Variants in FNDC3B observed in about 807,000 individuals in gnomAD.
FNDC3B encodes the protein fibronectin type III domain containing 3B.
A neutral mutation model predicts 151.5 loss-of-function variants in FNDC3B; 12 were observed. The observed-to-expected ratio is 0.08, with a 90% CI of 0.05 to 0.13. FNDC3B has a LOEUF of 0.13. Ranked by LOEUF, FNDC3B falls within the 10% of genes least tolerant of loss-of-function variation. FNDC3B has a pLI of 1.00. For synonymous variants in FNDC3B, 528 were observed against 549.0 expected, an observed-to-expected ratio of 0.96 and a Z score of 0.54; for missense variants, 1,214 against 1,505.3, an observed-to-expected ratio of 0.81 and a Z score of 3.20.
chr3:172,338,880 A>G (rs1733131250), intron 16 of FNDC3B, among the ~76,000 whole-genome samples: 1 of 151,866 alleles, frequency 6.6e-6, no homozygotes, highest in Non-Finnish European at 1.5e-5. Context: ...GGGACTACAG[A>G]CGCCCACCAC....
intron 23 of FNDC3B, among the ~76,000 whole-genome samples, chr3:172,364,868 C>T (rs1576949154): frequency 6.6e-6 from 1 of 152,284 alleles, no homozygotes; most frequent in East Asian, 1.9e-4. Context: ...TTCTTAATTA[C>T]AGGAGCTAGA....
rs937289960 is a variant in FNDC3B, at chr3:172,308,436, G to T, written c.1200+935G>T. Among the ~76,000 whole-genome samples the T allele has an allele frequency of 3.9e-5, 6 of 152,300 alleles. No individual in the cohort carries two copies. In the East Asian group the frequency reaches 1.2e-3, roughly 29 times the overall value. ...AGATGGAGGTAGAGATAAAGATTTA[G>T]GGTTTGGGGGGAGAATAGTAATGTG... On this transcript the variant is annotated intron_variant, in intron 10 of 25. Transcript: ENST00000415807.
At chr3:172,330,777 A>C in intron 13 of FNDC3B, 62 bp downstream of exon 13, 11 of 1,318,726 alleles carry the variant, frequency 8.3e-6, no homozygotes, top group Non-Finnish European at 1.1e-5. Flanking sequence ...TTATAGCTAC[A>C]GGGCACCATG....
intron 1 of FNDC3B, among the ~76,000 whole-genome samples, chr3:172,056,796 CG>C (rs1716939480): frequency 6.6e-6 from 1 of 152,186 alleles, no homozygotes; most frequent in African/African-American, 2.4e-5. Flanking sequence ...ACTTTAAAAG[CG>C]TATGTGAATA....
chr3:172,094,468 T>C (rs1186625738), intron 1 of FNDC3B, among the ~76,000 whole-genome samples: 2 of 152,212 alleles, frequency 1.3e-5, no homozygotes, highest in African/African-American at 2.4e-5. Context: ...ATCTATGCTG[T>C]AGCATGTATC....
chr3:172,242,418 G>A (rs948498931), intron 4 of FNDC3B, among the ~76,000 whole-genome samples: 3 of 152,202 alleles, frequency 2.0e-5, no homozygotes, highest in African/African-American at 7.2e-5. Context: ...CTTCTGCCTG[G>A]ACATCCAGGC....
chr3:172,319,717 G>C (rs957651736), intron 11 of FNDC3B, among the ~76,000 whole-genome samples: 15 of 152,184 alleles, frequency 9.9e-5, no homozygotes, highest in African/African-American at 3.4e-4. Flanking sequence ...CTTATATATG[G>C]TTATGCTGAA....
At position 172,290,360 on chromosome 3, in the gene FNDC3B, A is replaced by G. The variant is rs557180761; in HGVS notation, c.849+4376A>G. Among the ~76,000 whole-genome samples, 11 of 152,318 alleles carry G rather than the reference A, an allele frequency of 7.2e-5. No individual in the cohort carries two copies. In the East Asian group the frequency reaches 2.1e-3, roughly 29 times the overall value. On this transcript the variant is annotated intron_variant, in intron 7 of 25. Coordinates refer to ENST00000415807, the MANE Select transcript of FNDC3B (RefSeq NM_022763.4). Reference sequence around the variant, plus strand: ...TGGTATACAAGTATACTAGGTATTTATCTTGGGACTGGAACAGTTAGGTGC... The same window carrying G: ...TGGTATACAAGTATACTAGGTATTTGTCTTGGGACTGGAACAGTTAGGTGC...
intron 9 of FNDC3B, among the ~76,000 whole-genome samples, chr3:172,305,600 T>G (rs1246538931): frequency 2.6e-5 from 4 of 152,240 alleles, no homozygotes; most frequent in Non-Finnish European, 4.4e-5. Context: ...GAATGCATGG[T>G]GTCTGGTTGT....
chr3:172,308,825 T>A (rs181918054), intron 10 of FNDC3B, among the ~76,000 whole-genome samples: 1 of 152,340 alleles, frequency 6.6e-6, no homozygotes, highest in East Asian at 1.9e-4. Context: ...ACACATCCAT[T>A]TAAAAAATGT....
intron 3 of FNDC3B, among the ~76,000 whole-genome samples, chr3:172,215,944 G>A (rs1560022378): frequency 6.9e-6 from 1 of 144,808 alleles, no homozygotes; most frequent in African/African-American, 2.7e-5. Context: ...GATACCACTA[G>A]GAGTCATGCT....
intron 10 of FNDC3B, among the ~76,000 whole-genome samples, chr3:172,309,442 T>G (rs1481171580): frequency 6.6e-6 from 1 of 152,056 alleles, no homozygotes; most frequent in Non-Finnish European, 1.5e-5. Flanking sequence ...AAAGAACAGT[T>G]TTTTTTTGAG....
At chr3:172,114,570 T>G (rs1426206608) in intron 2 of FNDC3B, among the ~76,000 whole-genome samples, 1 of 152,182 alleles carries the variant, frequency 6.6e-6, no homozygotes, top group Non-Finnish European at 1.5e-5. Context: ...CAGAAGCTGC[T>G]TAACAATTTT....
intron 22 of FNDC3B, among the ~76,000 whole-genome samples, chr3:172,356,005 G>C (rs1734078301): frequency 6.6e-6 from 1 of 152,164 alleles, no homozygotes; most frequent in African/African-American, 2.4e-5. Context: ...CTCAGACTGA[G>C]CTGGCAGGCA....
chr3:172,188,247 G>A (rs901142691), intron 3 of FNDC3B, among the ~76,000 whole-genome samples: 11 of 151,626 alleles, frequency 7.3e-5, no homozygotes, highest in African/African-American at 2.4e-4. Context: ...CACCTGCCTC[G>A]GCCTCCCAAA....
chr3:172,359,323 C>A (rs988708241), intron 22 of FNDC3B, among the ~76,000 whole-genome samples: 4 of 151,792 alleles, frequency 2.6e-5, no homozygotes, highest in African/African-American at 9.7e-5. Flanking sequence ...ACCTCATTTT[C>A]TTTTGTGTAT....
chr3:172,364,780 A>G lies in FNDC3B; in HGVS notation c.3008+1935A>G, dbSNP rs182510287. Among the ~76,000 whole-genome samples, 307 of 152,338 alleles carry G rather than the reference A, an allele frequency of 2.0e-3. 2 individuals are homozygous for G. The highest frequency in any genetic ancestry group is 7.2e-3 in the African/African-American group (299 of 41,580). ...GTTTCTTCCCCCCTCAAAAAGCCCA[A>G]GGCTTGCCTAATCAAATAAATGACT... On this transcript the variant is annotated intron_variant, in intron 23 of 25. Transcript: ENST00000415807.
At chr3:172,190,767 C>T (rs1311343960) in intron 3 of FNDC3B, among the ~76,000 whole-genome samples, 2 of 152,210 alleles carry the variant, frequency 1.3e-5, no homozygotes, top group African/African-American at 4.8e-5. Flanking sequence ...CTCCTGGGTT[C>T]AAGCGATTCT....
chr3:172,346,262 C>A, intron 19 of FNDC3B, 65 bp from the exon 20 acceptor site: 1 of 865,830 alleles, frequency 1.2e-6, no homozygotes, highest in Non-Finnish European at 1.8e-6. Flanking sequence ...CTTTTGTATG[C>A]ACACACATTC....
Sources: gnomAD v4.1 joint callset for allele counts (sites outside exome capture counted in the v4.1 genomes callset) on GRCh38, gnomAD v4.1.1 for gene constraint, MANE v1.5 for transcripts, NCBI Gene and HGNC (gene_info 2026-07-23, HGNC 2026-07-21) for gene names.